The following SUSD1 variants were observed in gnomAD, a reference collection of about 807,000 sequenced individuals.
The protein encoded by SUSD1 is sushi domain containing 1, also known as sushi domain-containing protein 1.
A neutral mutation model predicts 86.9 loss-of-function variants in SUSD1; 65 were observed. That is an observed-to-expected ratio of 0.75 (90% CI 0.61 to 0.92). The LOEUF (loss-of-function observed/expected upper bound fraction) is 0.92, where lower values mean the gene tolerates loss of function less well. Among genes scored for constraint, SUSD1 ranks in the 40% least tolerant of loss-of-function variants. The pLI is 0.00. For synonymous variants in SUSD1, 346 were observed against 350.0 expected (o/e 0.99, Z 0.13); for missense variants, 850 against 929.7 (o/e 0.91, Z 1.11).
At chr9:112,169,356 T>C (rs1336710456) in intron 1 of SUSD1, 1 of 151,472 alleles carries the variant, frequency 6.6e-6, no homozygotes, top group Non-Finnish European at 1.5e-5. Context: ...CTTCTCATTC[T>C]ACTCTTTCCC....
intron 12 of SUSD1, among the ~76,000 whole-genome samples, chr9:112,075,686 A>C (rs543523487): frequency 1.2e-3 from 186 of 152,372 alleles, no homozygotes; most frequent in Non-Finnish European, 2.1e-3. Context: ...TCAAGGCTGC[A>C]GTGAGTTATG....
At chr9:112,167,597 G>T (rs1210490366) in intron 1 of SUSD1, among the ~76,000 whole-genome samples, 1 of 152,202 alleles carries the variant, frequency 6.6e-6, no homozygotes, top group Non-Finnish European at 1.5e-5. Context: ...TGGCATGGTG[G>T]TTACAAGCGC....
chr9:112,084,840 G>C (rs1437272727), intron 10 of SUSD1, among the ~76,000 whole-genome samples: 1 of 152,104 alleles, frequency 6.6e-6, no homozygotes, highest in Non-Finnish European at 1.5e-5. Flanking sequence ...GAATCCTGAA[G>C]TTGAAAAACC....
Position 112,041,968 on chromosome 9 carries a change from AC to A in SUSD1, c.2150-9del, listed in dbSNP as rs1267529143. The A allele has an allele frequency of 1.2e-6, 2 of 1,613,338 alleles. No individual in the cohort carries two copies. Among genetic ancestry groups the A allele is most frequent in the East Asian group, 2.2e-5 (1 of 44,800 alleles). Reference sequence around the variant, plus strand: ...GCAGCATGAGTGACGAATCTGTGGGACAAAACCACAGGCTTAGCCCAGAGTG... The same window carrying A: ...GCAGCATGAGTGACGAATCTGTGGGAAAAACCACAGGCTTAGCCCAGAGTG... On this transcript the variant is annotated splice_polypyrimidine_tract_variant and intron_variant, in intron 15 of 16. Transcript: ENST00000374270.
intron 5 of SUSD1, among the ~76,000 whole-genome samples, chr9:112,134,257 T>TG (rs1564324897): frequency 1.3e-5 from 2 of 152,114 alleles, no homozygotes; most frequent in African/African-American, 4.8e-5. Flanking sequence ...AAAGGACACA[T>TG]GCACTTATAT....
chr9:112,075,419 A>G (rs907338496), intron 12 of SUSD1, among the ~76,000 whole-genome samples: 4 of 152,158 alleles, frequency 2.6e-5, no homozygotes, highest in African/African-American at 9.7e-5. Context: ...ATAAAAAAAA[A>G]ATAAGTTTTT....
intron 2 of SUSD1, among the ~76,000 whole-genome samples, chr9:112,156,799 A>G (rs1833347810): frequency 1.3e-5 from 2 of 152,194 alleles, no homozygotes; most frequent in African/African-American, 4.8e-5. Context: ...AGGTAAAACC[A>G]TCAATATTTT....
At chr9:112,115,815 AAAAAAAAAG>A (rs1289150102) in intron 6 of SUSD1, among the ~76,000 whole-genome samples, 2 of 17,196 alleles carry the variant, frequency 1.2e-4, no homozygotes, top group African/African-American at 7.0e-4. Context: ...TTGCAAAAAA[AAAAAAAAAG>A]AAAAAAAAAA....
At chr9:112,149,913 T>C (rs1249331944) in intron 2 of SUSD1, among the ~76,000 whole-genome samples, 1 of 152,228 alleles carries the variant, frequency 6.6e-6, no homozygotes, top group Non-Finnish European at 1.5e-5. Context: ...GAATAGCTCA[T>C]GCTAATGGTC....
intron 12 of SUSD1, among the ~76,000 whole-genome samples, chr9:112,063,362 T>A (rs1828819471): frequency 6.6e-6 from 1 of 152,072 alleles, no homozygotes; most frequent in African/African-American, 2.4e-5. Flanking sequence ...GATGAAAAAA[T>A]TTTGGAAATA....
intron 10 of SUSD1, among the ~76,000 whole-genome samples, chr9:112,087,899 C>T (rs1224556735): frequency 6.6e-6 from 1 of 152,122 alleles, no homozygotes; most frequent in Non-Finnish European, 1.5e-5. Flanking sequence ...ATCTGACCCA[C>T]AACAATCAAC....
In SUSD1 at chr9:112,112,776, A is replaced by G. The variant is rs1831158050; in HGVS notation, c.979T>C (p.Tyr327His). Reference sequence around the variant, plus strand: ...AAGTAGATCACTTTACTTACCACATATGAGATCTTGGGGTTTATTCTTCTT... The same window carrying G: ...AAGTAGATCACTTTACTTACCACATGTGAGATCTTGGGGTTTATTCTTCTT... ...NSRRINPKIS[Y>H]VISIKGQRLD... Residue 327 changes from tyrosine to histidine, a missense_variant, in exon 7 of 17, where the codon TAT becomes CAT. By Grantham distance (83) the Tyr-to-His change is moderately conservative. Transcript: ENST00000374270. 6 of 1,609,074 alleles carry G rather than the reference A, an allele frequency of 3.7e-6. No homozygotes were observed. Among genetic ancestry groups the G allele is most frequent in the Non-Finnish European group, 4.3e-6 (5 of 1,175,396 alleles).
At chr9:112,165,611 T>C (rs1481498655) in intron 1 of SUSD1, among the ~76,000 whole-genome samples, 1 of 151,794 alleles carries the variant, frequency 6.6e-6, no homozygotes, top group Non-Finnish European at 1.5e-5. Context: ...GTTTTCACCA[T>C]GTTGGCCAGG....
At position 112,089,262 on chromosome 9, in the gene SUSD1, A is replaced by G. The variant is rs192337668; in HGVS notation, c.1475-9097T>C. On this transcript the variant is annotated intron_variant, in intron 10 of 16. Transcript: ENST00000374270. The stretch of plus-strand genomic sequence containing the variant: ...TTAAAAATTAATAAATAAAGCAAAG[A>G]AAATCCATCACACAGAGAAAGAAAT... Among the ~76,000 whole-genome samples, 15 of 152,370 alleles carry G rather than the reference A, an allele frequency of 9.8e-5. No individual in the cohort carries two copies. The East Asian group carries it at 2.9e-3, about 29-fold the overall frequency.
At chr9:112,115,565 G>C (rs957096624) in intron 6 of SUSD1, among the ~76,000 whole-genome samples, 3 of 152,104 alleles carry the variant, frequency 2.0e-5, no homozygotes, top group Non-Finnish European at 4.4e-5. Flanking sequence ...CTAGCACTTT[G>C]CGGGGCTGAG....
rs1372142516 is a variant in SUSD1 at position 112,149,351 on chromosome 9, G to A, written c.266C>T (p.Thr89Ile). The change falls in exon 3 of 17, where the codon ACA becomes ATA. Residue 89 changes from threonine (T) to isoleucine (I), a missense_variant. By Grantham distance (89) the Thr-to-Ile change is moderately conservative (BLOSUM62 -1). Transcript: ENST00000374270. Reference protein sequence around the residue: ...FGATLVCGNHTSCHNTPGGFY... With the variant: ...FGATLVCGNHISCHNTPGGFY... ...GCCCCCGGGGGTGTTGTGGCAAGAT[G>A]TGTGGTTCCCACAGACAAGAGTGGC... The A allele has an allele frequency of 1.2e-6, 2 of 1,614,162 alleles. No individual in the cohort carries two copies. Among genetic ancestry groups the A allele is most frequent in the Non-Finnish European group, 8.5e-7 (1 of 1,180,022 alleles).
intron 15 of SUSD1, among the ~76,000 whole-genome samples, chr9:112,047,326 A>G (rs1356712268): frequency 6.6e-6 from 1 of 152,170 alleles, no homozygotes; most frequent in African/African-American, 2.4e-5. Flanking sequence ...GTCATCTCCC[A>G]CCAGGCCCCT....
At chr9:112,102,046 C>T in intron 9 of SUSD1, 130 bp downstream of exon 9, 1 of 511,332 alleles carries the variant, frequency 2.0e-6, no homozygotes, top group South Asian at 3.4e-5. Flanking sequence ...TTACATCCAT[C>T]TCTAGAAACA....
intron 1 of SUSD1, among the ~76,000 whole-genome samples, chr9:112,172,975 G>A (rs1182849075): frequency 6.6e-6 from 1 of 152,174 alleles, no homozygotes; most frequent in Non-Finnish European, 1.5e-5. Context: ...CTTGACTTCT[G>A]TTTCCCCAAA....
Sources: allele counts gnomAD v4.1 joint callset (sites outside exome capture counted in the v4.1 genomes callset), GRCh38; gene constraint gnomAD v4.1.1; transcripts MANE v1.5; gene names NCBI Gene and HGNC (gene_info 2026-07-23, HGNC 2026-07-21).